The following PTGER3 variants were observed in gnomAD, a reference collection of about 807,000 sequenced individuals.
PTGER3 encodes prostaglandin E2 receptor EP3 subtype.
PTGER3 carries 22 observed loss-of-function variants against 34.7 expected under a neutral mutation model. That is an observed-to-expected ratio of 0.63 (90% confidence interval 0.45 to 0.91). The LOEUF (loss-of-function observed/expected upper bound fraction) is 0.91, where lower values mean the gene tolerates loss of function less well. PTGER3 is among the 40% of genes least tolerant of loss of function. The pLI, the probability that PTGER3 is intolerant of heterozygous loss-of-function variation, is 0.00. For synonymous variants in PTGER3, 241 were observed against 230.1 expected (o/e 1.05, Z -0.43); for missense variants, 468 against 519.4 (o/e 0.90, Z 0.96).
intron 1 of PTGER3, 147 bp from the exon 2 acceptor site, chr1:71,012,631 A>T: frequency 1.5e-6 from 1 of 689,386 alleles, no homozygotes; most frequent in Non-Finnish European, 2.4e-6. Context: ...CTTGGATAAC[A>T]CAGTCCTGAA....
intron 4 of PTGER3, among the ~76,000 whole-genome samples, chr1:70,875,203 T>C (rs941949651): frequency 2.6e-5 from 4 of 152,190 alleles, no homozygotes; most frequent in African/African-American, 9.6e-5. Context: ...AAATGAGACA[T>C]GGGTTTGCAA....
chr1:70,863,605 A>G (rs563784383), intron 4 of PTGER3, among the ~76,000 whole-genome samples: 16 of 152,348 alleles, frequency 1.1e-4, no homozygotes, highest in Admixed American at 6.5e-4. Context: ...TGTGGCTTAC[A>G]TCTTGCTTGT....
Position 70,952,784 on chromosome 1 carries a change from C to T in PTGER3, c.*123G>A, listed in dbSNP as rs965147886. 5.2e-5 allele frequency: 70 copies of T among 1,347,888 alleles called. 1 individual carries two copies. The African/African-American group carries it at 9.0e-4, about 17-fold the overall frequency. The allele number at this position is 1,347,888 out of a possible 1,614,324, so 83.5% of individuals were successfully genotyped here. On this transcript the variant is annotated 3_prime_UTR_variant, in exon 4 of 4. Coordinates refer to the PTGER3 transcript ENST00000356595. ...AATGACCTGGCTTGCTGGTAATCTC[C>T]CACCTTTCCGAGTCAATCAACACAT...
intron 2 of PTGER3, among the ~76,000 whole-genome samples, chr1:70,996,319 A>C (rs992319451): frequency 5.9e-5 from 9 of 152,124 alleles, no homozygotes; most frequent in African/African-American, 2.2e-4. Flanking sequence ...TACCCATTCT[A>C]TCCTACTCTC....
intron 4 of PTGER3, among the ~76,000 whole-genome samples, chr1:70,882,657 A>G (rs1238508007): frequency 6.6e-6 from 1 of 152,142 alleles, no homozygotes; most frequent in African/African-American, 2.4e-5. Flanking sequence ...ACCTCAGTTT[A>G]TTATCACAGA....
chr1:70,984,407 T>A (rs979195176), intron 2 of PTGER3, among the ~76,000 whole-genome samples: 4 of 149,650 alleles, frequency 2.7e-5, no homozygotes, highest in African/African-American at 9.8e-5. Context: ...AAAAAATTCA[T>A]TAAATTAACA....
chr1:70,963,713 C>T (rs931895385), intron 2 of PTGER3, among the ~76,000 whole-genome samples: 2 of 152,128 alleles, frequency 1.3e-5, no homozygotes, highest in Non-Finnish European at 2.9e-5. Flanking sequence ...TCCAAGCCTG[C>T]GATGGAGGGG....
intron 4 of PTGER3, chr1:70,865,866 G>A (rs1241554704): frequency 7.8e-7 from 1 of 1,287,466 alleles, no homozygotes; most frequent in Middle Eastern, 2.2e-4. Context: ...CATGACTAGA[G>A]AGGCAGGAAG....
At chr1:71,027,513 T>G (rs941666311) in intron 1 of PTGER3, among the ~76,000 whole-genome samples, 2 of 152,202 alleles carry the variant, frequency 1.3e-5, no homozygotes, top group Non-Finnish European at 2.9e-5. Flanking sequence ...AATTGGCAAA[T>G]AGATCTATTG....
In PTGER3 at chr1:70,984,403, T is replaced by C. The variant is rs567316357; in HGVS notation, c.1078-10015A>G. On this transcript the variant is annotated intron_variant, in intron 2 of 3. Transcript: ENST00000306666. ...CTCTGCCTCAAAAAAAAAAAAAAAATTCATTAAATTAACAAAATTATTCTA... is the reference window on the plus strand; with the variant it reads ...CTCTGCCTCAAAAAAAAAAAAAAAACTCATTAAATTAACAAAATTATTCTA... 1.7e-3 allele frequency among the ~76,000 whole-genome samples: 239 copies of C among 143,194 alleles called. 4 individuals are homozygous for C. Among genetic ancestry groups the C allele is most frequent in the African/African-American group, 5.7e-3 (222 of 38,714 alleles). The allele number at this position is 143,194 out of a possible 152,430, so 93.9% of individuals were successfully genotyped here.
chr1:70,929,917 T>C (rs774318882), intron 4 of PTGER3, among the ~76,000 whole-genome samples: 6 of 152,184 alleles, frequency 3.9e-5, no homozygotes, highest in Non-Finnish European at 8.8e-5. Flanking sequence ...TTCTGAACTA[T>C]ATTACTCAAA....
chr1:70,876,863 T>C (rs1646283659), intron 4 of PTGER3, among the ~76,000 whole-genome samples: 1 of 152,190 alleles, frequency 6.6e-6, no homozygotes. Flanking sequence ...TGTAGCCTTG[T>C]AGTATAGTTT....
At chr1:70,973,547 C>T (rs1036100941) in intron 3 of PTGER3, among the ~76,000 whole-genome samples, 6 of 151,966 alleles carry the variant, frequency 3.9e-5, no homozygotes, top group African/African-American at 1.5e-4. Flanking sequence ...CAACTTGTAC[C>T]GAGCAGAGGG....
At chr1:70,866,845 G>A (rs1029148319) in intron 4 of PTGER3, among the ~76,000 whole-genome samples, 1 of 152,148 alleles carries the variant, frequency 6.6e-6, no homozygotes, top group Non-Finnish European at 1.5e-5. Flanking sequence ...AGCGGGATAG[G>A]GGGTGCATGC....
chr1:71,036,324 A>G (rs1159363124), intron 1 of PTGER3, among the ~76,000 whole-genome samples: 1 of 152,162 alleles, frequency 6.6e-6, no homozygotes, highest in Non-Finnish European at 1.5e-5. Flanking sequence ...CATTCACTAC[A>G]GGGAAAAGAC....
At chr1:71,016,194 A>C (rs1429180675) in intron 1 of PTGER3, among the ~76,000 whole-genome samples, 1 of 152,178 alleles carries the variant, frequency 6.6e-6, no homozygotes, top group Non-Finnish European at 1.5e-5. Flanking sequence ...AATTTCTTTC[A>C]CAGGAATTTT....
intron 1 of PTGER3, among the ~76,000 whole-genome samples, chr1:71,034,967 C>A (rs1228586025): frequency 6.6e-6 from 1 of 152,032 alleles, no homozygotes; most frequent in African/African-American, 2.4e-5. Context: ...AGGGTTATTG[C>A]AAGAAATTTT....
chr1:71,014,966 G>A (rs2206344), intron 1 of PTGER3, among the ~76,000 whole-genome samples: 139,928 of 152,298 alleles, frequency 0.92, 64,418 homozygotes, highest in African/African-American at 0.97. Flanking sequence ...GCCCTCTACA[G>A]TACTGTCCAA....
chr1:70,863,473 T>C (rs1462980744), intron 4 of PTGER3, among the ~76,000 whole-genome samples: 1 of 152,062 alleles, frequency 6.6e-6, no homozygotes, highest in Non-Finnish European at 1.5e-5. Flanking sequence ...AAGAAGAAAA[T>C]TTTGACTCTA....
Sources: gnomAD v4.1 joint callset for allele counts (sites outside exome capture counted in the v4.1 genomes callset) on GRCh38, gnomAD v4.1.1 for gene constraint, MANE v1.5 for transcripts, NCBI Gene and HGNC (gene_info 2026-07-23, HGNC 2026-07-21) for gene names.